Variants in SCAPER observed in about 807,000 individuals in gnomAD.
The protein encoded by SCAPER is S-phase cyclin A associated protein in the ER.
Under a neutral mutation model 182.2 loss-of-function variants are expected in SCAPER, and 98 were observed. The observed-to-expected ratio is 0.54, with a 90% confidence interval of 0.46 to 0.64. The LOEUF is 0.64. Ranked by LOEUF, SCAPER falls within the 30% of genes least tolerant of loss-of-function variation. SCAPER has a pLI of 0.00. For missense variants in SCAPER, 1,432 were observed against 1,690.0 expected (o/e 0.85, Z 2.68); for synonymous variants, 605 against 564.6 (o/e 1.07, Z -1.01).
intron 5 of SCAPER, among the ~76,000 whole-genome samples, chr15:76,812,907 A>AC (rs1453424947): frequency 1.3e-5 from 2 of 151,822 alleles, no homozygotes; most frequent in Non-Finnish European, 2.9e-5. Context: ...CAGAAAAAAA[A>AC]AAATAGTAAA....
At chr15:76,561,988 T>G (rs1483991662) in intron 23 of SCAPER, among the ~76,000 whole-genome samples, 1 of 151,154 alleles carries the variant, frequency 6.6e-6, no homozygotes, top group East Asian at 2.0e-4. Flanking sequence ...CTACCAAAAA[T>G]ACAAAAAATT....
At chr15:76,848,017 C>T (rs1326515391) in intron 4 of SCAPER, among the ~76,000 whole-genome samples, 1 of 151,838 alleles carries the variant, frequency 6.6e-6, no homozygotes, top group Non-Finnish European at 1.5e-5. Context: ...AGACTTTTTT[C>T]TTTTTTTTGA....
intron 5 of SCAPER, among the ~76,000 whole-genome samples, chr15:76,830,083 T>C (rs2068325697): frequency 6.6e-6 from 1 of 151,612 alleles, no homozygotes. Context: ...AAGAAATGAG[T>C]AAGAAGGTGT....
chr15:76,904,796 G>T (rs2074971900), intron 1 of SCAPER: 1 of 152,276 alleles, frequency 6.6e-6, no homozygotes, highest in South Asian at 2.1e-4. Context: ...GCAGAGCTAA[G>T]ATCAGAGTAC....
chr15:76,663,884 TAC>T (rs770242189), intron 21 of SCAPER, among the ~76,000 whole-genome samples: 2 of 152,090 alleles, frequency 1.3e-5, no homozygotes, highest in Non-Finnish European at 2.9e-5. Context: ...AGTCAATAGA[TAC>T]AGTTAGTATG....
intron 20 of SCAPER, among the ~76,000 whole-genome samples, chr15:76,681,154 A>G (rs2057679128): frequency 1.3e-5 from 2 of 152,220 alleles, no homozygotes; most frequent in African/African-American, 4.8e-5. Context: ...AGGGTAAGAA[A>G]TGTATGATAG....
chr15:76,653,830 G>T (rs1028810141), intron 21 of SCAPER, among the ~76,000 whole-genome samples: 1 of 152,192 alleles, frequency 6.6e-6, no homozygotes, highest in East Asian at 1.9e-4. Flanking sequence ...AAAAGCAATT[G>T]CAACAAAAAC....
At chr15:76,650,015 T>C (rs2054887215) in intron 21 of SCAPER, among the ~76,000 whole-genome samples, 1 of 152,088 alleles carries the variant, frequency 6.6e-6, no homozygotes, top group Non-Finnish European at 1.5e-5. Flanking sequence ...ATTTGTTACA[T>C]GAAGAAGTAA....
In SCAPER at chr15:76,792,487, T is replaced by C. The variant is rs2065063714; in HGVS notation, c.772+2793A>G. Among the ~76,000 whole-genome samples the C allele has an allele frequency of 3.3e-5, 5 of 152,316 alleles. No homozygotes were observed. The South Asian group carries it at 8.3e-4, about 25-fold the overall frequency. ...TCCCATTGTTGAGTGGTGGAGACTG[T>C]TCACCCTCCCTTGAATCTCTGGTTG... On this transcript the variant is annotated intron_variant, in intron 8 of 31. Transcript: ENST00000563290.
At chr15:76,492,868 GTTTT>G (rs1185376117) in intron 24 of SCAPER, among the ~76,000 whole-genome samples, 1 of 121,682 alleles carries the variant, frequency 8.2e-6, no homozygotes. Flanking sequence ...ATCTGAGAGT[GTTTT>G]TTTTTTTTTT....
In SCAPER at chr15:76,574,209, C is replaced by T. The variant is rs770946717; in HGVS notation, c.2787G>A (p.Val929=). ...QDSGSWANNK[V]SALDRTLGEI... is the part of the protein sequence containing the mutation. ...CTCCTAGGGTCCGATCCAAAGCAGACACTTTATTGTTTGCCCATGAGCCAC... is the reference window on the plus strand; with the variant it reads ...CTCCTAGGGTCCGATCCAAAGCAGATACTTTATTGTTTGCCCATGAGCCAC... Residue 929 remains valine (V), a synonymous_variant, in exon 23 of 32, where the codon GTG becomes GTA. Transcript: ENST00000563290. 3.1e-6 allele frequency: 5 copies of T among 1,611,146 alleles called. No individual in the cohort carries two copies. In the Admixed American group the frequency reaches 8.4e-5, roughly 27 times the overall value.
At chr15:76,748,966 C>T (rs1300339698) in intron 15 of SCAPER, among the ~76,000 whole-genome samples, 1 of 151,682 alleles carries the variant, frequency 6.6e-6, no homozygotes. Context: ...CAATTCTACA[C>T]AAACAACTCT....
intron 24 of SCAPER, among the ~76,000 whole-genome samples, chr15:76,476,166 T>A (rs1398091145): frequency 6.6e-6 from 1 of 152,212 alleles, no homozygotes; most frequent in Non-Finnish European, 1.5e-5. Flanking sequence ...GGGTCCATTT[T>A]CCAGCTTCCT....
In SCAPER at chr15:76,767,000, T is replaced by A; in HGVS notation, c.1337A>T (p.Glu446Val). ...AATTTCTCTAGTTAACTGTTCTTCT[T>A]CAGCAATAGCACTAGCAATGGCTTC... is the stretch of plus-strand genomic sequence containing the variant. ...NEEAIASAIA[E>V]EEQLTREIEA... The change falls in exon 11 of 32, where the codon GAA (glutamate) becomes GTA (valine). Residue 446 changes from glutamate to valine, a missense_variant. Around this residue, in one of 5 missense-constraint regions of SCAPER, gnomAD observed 18 missense variants for 46.0 expected, o/e 0.39. Transcript: ENST00000563290. 1 of 1,607,608 alleles carries A rather than the reference T, an allele frequency of 6.2e-7. No homozygotes were observed. Among genetic ancestry groups the A allele is most frequent in the Non-Finnish European group, 8.5e-7 (1 of 1,176,440 alleles).
In SCAPER at chr15:76,583,376, G is replaced by A. The variant is rs1360424459; in HGVS notation, c.2712-9092C>T. On this transcript the variant is annotated intron_variant, in intron 22 of 31. Coordinates refer to ENST00000563290, the MANE Select transcript of SCAPER (RefSeq NM_020843.4). ...AAAAAAAAAAAAAAAAAACTTGAGTGTAATCCCATAAGCATGGATAACCAA... is the reference window on the plus strand; with the variant it reads ...AAAAAAAAAAAAAAAAAACTTGAGTATAATCCCATAAGCATGGATAACCAA... 2.0e-5 allele frequency among the ~76,000 whole-genome samples: 3 copies of A among 149,160 alleles called. No individual in the cohort carries two copies. The South Asian group carries it at 6.4e-4, about 32-fold the overall frequency.
Position 76,354,050 on chromosome 15 carries a change from CT to C in SCAPER, c.3945del (p.Val1316TyrfsTer24). 6.2e-7 allele frequency: 1 copy of C among 1,610,212 alleles called. No homozygotes were observed. The highest frequency in any genetic ancestry group is 8.5e-7 in the Non-Finnish European group (1 of 1,178,814). On this transcript the variant is annotated frameshift_variant, in exon 30 of 32. Transcript: ENST00000563290. LOFTEE classifies it high-confidence loss of function. This position sits in a 1 kb window ranked among gnomAD's most constrained non-coding sequence, Gnocchi z 4.4. ...FQYFSDPRLI[K>X]VLFPSLIAAC... Reference sequence around the variant, plus strand: ...GCAGCGATAAGTGAAGGGAACAGTACTTTGATCAGCCGTGGGTCACTGAAAT... The same window carrying C: ...GCAGCGATAAGTGAAGGGAACAGTACTTGATCAGCCGTGGGTCACTGAAAT...
intron 26 of SCAPER, among the ~76,000 whole-genome samples, chr15:76,413,607 G>C (rs1250460654): frequency 2.0e-5 from 3 of 152,196 alleles, no homozygotes; most frequent in Non-Finnish European, 4.4e-5. Flanking sequence ...TCTTCCTTTA[G>C]AGCAAAGGTC....
chr15:76,734,194 T>C (rs1308784848), intron 15 of SCAPER, among the ~76,000 whole-genome samples: 2 of 152,244 alleles, frequency 1.3e-5, no homozygotes, highest in South Asian at 2.1e-4. Context: ...ATTGCATCCT[T>C]AACTTCACAT....
chr15:76,695,032 TTAAGA>T (rs1343876019), intron 20 of SCAPER, among the ~76,000 whole-genome samples: 1 of 152,162 alleles, frequency 6.6e-6, no homozygotes, highest in Non-Finnish European at 1.5e-5. Flanking sequence ...AGGACCTTCT[TTAAGA>T]TATTTATAAA....
Sources: allele counts gnomAD v4.1 joint callset (sites outside exome capture counted in the v4.1 genomes callset), GRCh38; gene constraint gnomAD v4.1.1; regional missense constraint gnomAD v4.1.1; non-coding constraint Gnocchi (gnomAD v3.1); transcripts MANE v1.5; gene names NCBI Gene and HGNC (gene_info 2026-07-23, HGNC 2026-07-21).